Variants in RSPO2 observed in about 807,000 individuals in gnomAD.
RSPO2 encodes R-spondin 2.
Under a neutral mutation model 30.9 loss-of-function variants are expected in RSPO2, and 14 were observed. The observed-to-expected ratio is 0.45, with a 90% CI of 0.30 to 0.71. The LOEUF is 0.71. Among genes scored for constraint, RSPO2 ranks in the 30% least tolerant of loss-of-function variants. The pLI is 0.08. For missense variants in RSPO2, 264 were observed against 301.9 expected, an observed-to-expected ratio of 0.87 and a Z score of 0.93; for synonymous variants, 107 against 96.4, an observed-to-expected ratio of 1.11 and a Z score of -0.64.
intron 2 of RSPO2, among the ~76,000 whole-genome samples, chr8:108,034,269 C>G (rs1811521296): frequency 6.6e-6 from 1 of 151,968 alleles, no homozygotes; most frequent in Admixed American, 6.6e-5. Flanking sequence ...TTAAAATATC[C>G]TTTTCCCCAC....
At chr8:107,973,289 G>GC (rs1814069906) in intron 3 of RSPO2, among the ~76,000 whole-genome samples, 3 of 151,596 alleles carry the variant, frequency 2.0e-5, no homozygotes, top group Non-Finnish European at 4.4e-5. Context: ...AATGGGGGGG[G>GC]AACTAGCCAA....
intron 3 of RSPO2, among the ~76,000 whole-genome samples, chr8:107,965,872 C>T (rs1813786233): frequency 6.6e-6 from 1 of 152,262 alleles, no homozygotes; most frequent in Non-Finnish European, 1.5e-5. Flanking sequence ...CAGTTAAACA[C>T]CTGAAAACAA....
chr8:108,010,850 TA>T (rs1317552908), intron 2 of RSPO2, among the ~76,000 whole-genome samples: 2 of 151,988 alleles, frequency 1.3e-5, no homozygotes, highest in Non-Finnish European at 2.9e-5. Context: ...GACACAAGAT[TA>T]ATTTACCAGA....
intron 3 of RSPO2, among the ~76,000 whole-genome samples, chr8:107,970,338 A>T (rs1373360426): frequency 1.3e-5 from 2 of 152,316 alleles, no homozygotes; most frequent in African/African-American, 4.8e-5. Context: ...TCTGCAAGCT[A>T]TTCTTAGCTT....
chr8:107,904,369 AAAG>A (rs1423449308), intron 5 of RSPO2, among the ~76,000 whole-genome samples: 6 of 151,932 alleles, frequency 3.9e-5, no homozygotes, highest in South Asian at 2.1e-4. Flanking sequence ...AAAAAAAAAA[AAAG>A]AAGTTTGAGT....
intron 3 of RSPO2, among the ~76,000 whole-genome samples, chr8:107,964,335 C>A (rs1438791092): frequency 1.3e-5 from 2 of 152,232 alleles, no homozygotes; most frequent in Non-Finnish European, 2.9e-5. Flanking sequence ...CTCTGCCTCC[C>A]GGGTTCAAGT....
intron 2 of RSPO2, among the ~76,000 whole-genome samples, chr8:107,994,561 T>G (rs921175750): frequency 3.3e-5 from 5 of 152,096 alleles, no homozygotes; most frequent in African/African-American, 1.2e-4. Context: ...TACTCTTTCC[T>G]ATAGCTGGTA....
intron 5 of RSPO2, 51 bp downstream of exon 5, chr8:107,958,029 G>A (rs755012841): frequency 1.7e-6 from 2 of 1,210,916 alleles, no homozygotes; most frequent in Non-Finnish European, 1.1e-6. Flanking sequence ...TTAGGAAGCG[G>A]GAGAATTCAG....
Position 107,990,265 on chromosome 8 carries a change from C to T in RSPO2, c.95-1021G>A, listed in dbSNP as rs1034577120. 3.9e-5 allele frequency among the ~76,000 whole-genome samples: 6 copies of T among 152,062 alleles called. No homozygotes were observed. In the South Asian group the frequency reaches 6.2e-4, roughly 16 times the overall value. On this transcript the variant is annotated intron_variant, in intron 2 of 5. Coordinates refer to ENST00000276659, the MANE Select transcript of RSPO2 (RefSeq NM_178565.5). ...TAAGCATGTAAGAAAAAAACAGAAA[C>T]GTTCCAATACATGATTAGTAGTTAC...
intron 3 of RSPO2, chr8:107,983,285 T>C (rs1271854691): frequency 6.3e-7 from 1 of 1,597,564 alleles, no homozygotes; most frequent in South Asian, 1.1e-5. Flanking sequence ...CATCTTTCAC[T>C]GGAATTGCAA....
intron 2 of RSPO2, among the ~76,000 whole-genome samples, chr8:108,067,257 G>A (rs1217357100): frequency 6.6e-6 from 1 of 152,150 alleles, no homozygotes; most frequent in Non-Finnish European, 1.5e-5. Flanking sequence ...AGACATTTTT[G>A]AGGCAATTGG....
At chr8:107,943,129 GC>G (rs1211189956) in intron 5 of RSPO2, among the ~76,000 whole-genome samples, 1 of 152,210 alleles carries the variant, frequency 6.6e-6, no homozygotes, top group Non-Finnish European at 1.5e-5. Context: ...CAAACAAAAT[GC>G]CGAGCCCAAC....
In RSPO2 at chr8:107,901,124, G is replaced by A. The variant is rs777423714; in HGVS notation, c.683C>T (p.Ala228Val). The A allele has an allele frequency of 2.0e-5, 33 of 1,613,950 alleles. No individual in the cohort carries two copies. In the African/African-American group the frequency reaches 3.5e-4, roughly 17 times the overall value. Reference sequence around the variant, plus strand: ...TAGGAAGACGCTGTGTTGCTCCTGGGCCCTTTCTATCAGCTTCCTTTTCTT... The same window carrying A: ...TAGGAAGACGCTGTGTTGCTCCTGGACCCTTTCTATCAGCTTCCTTTTCTT... The part of the protein sequence containing the change: ...KKKKRKLIER[A>V]QEQHSVFLAT... Residue 228 changes from alanine to valine, a missense_variant, in exon 6 of 6, where the codon GCC becomes GTC. Physicochemically the swap from Ala to Val is moderately conservative, Grantham distance 64. Transcript: ENST00000276659.
intron 2 of RSPO2, among the ~76,000 whole-genome samples, chr8:108,010,351 C>T (rs376634420): frequency 6.6e-6 from 1 of 152,128 alleles, no homozygotes; most frequent in African/African-American, 2.4e-5. Context: ...GTGGGAAACA[C>T]AAGAAGATAG....
chr8:107,939,828 T>A (rs1812838553), intron 5 of RSPO2, among the ~76,000 whole-genome samples: 1 of 152,110 alleles, frequency 6.6e-6, no homozygotes, highest in Non-Finnish European at 1.5e-5. Flanking sequence ...TCTGGGACTG[T>A]CTGGCAAGTA....
intron 3 of RSPO2, 53 bp from the exon 4 acceptor site, chr8:107,960,870 T>C (rs1429039698): frequency 7.2e-7 from 1 of 1,387,362 alleles, no homozygotes; most frequent in Non-Finnish European, 9.8e-7. Context: ...GAAATTTACT[T>C]GTTTTACAAA....
At chr8:107,927,341 A>G (rs1483909757) in intron 5 of RSPO2, among the ~76,000 whole-genome samples, 2 of 152,194 alleles carry the variant, frequency 1.3e-5, no homozygotes, top group African/African-American at 4.8e-5. Flanking sequence ...GTCATCTGCA[A>G]ACAGGGACAA....
At chr8:107,950,307 AT>A (rs1308652263) in intron 5 of RSPO2, among the ~76,000 whole-genome samples, 4 of 152,214 alleles carry the variant, frequency 2.6e-5, no homozygotes, top group Non-Finnish European at 5.9e-5. Context: ...TCAAGCACTT[AT>A]TTTAAATCAA....
intron 5 of RSPO2, among the ~76,000 whole-genome samples, chr8:107,906,902 T>C (rs1811666293): frequency 6.6e-6 from 1 of 151,986 alleles, no homozygotes; most frequent in Admixed American, 6.6e-5. Context: ...CCTAATATGC[T>C]TTTTTCTTGT....
Sources: gnomAD v4.1 joint callset for allele counts (sites outside exome capture counted in the v4.1 genomes callset) on GRCh38, gnomAD v4.1.1 for gene constraint, MANE v1.5 for transcripts, NCBI Gene and HGNC (gene_info 2026-07-23, HGNC 2026-07-21) for gene names.